Variants in SCUBE3 observed in about 807,000 individuals in gnomAD.
The protein encoded by SCUBE3 is signal peptide, CUB domain and EGF like domain containing 3.
SCUBE3 carries 33 observed loss-of-function variants against 116.8 expected under a neutral mutation model. The ratio of observed to expected loss-of-function variants is 0.28; its 90% CI spans 0.21 to 0.38. The LOEUF (loss-of-function observed/expected upper bound fraction) is 0.38. Among genes scored for constraint, SCUBE3 ranks in the 10% least tolerant of loss-of-function variants. The probability of loss-of-function intolerance (pLI) is 1.00; values close to 1 mark genes in which losing one functional copy is unlikely to be tolerated. For missense variants in SCUBE3, 1,007 were observed against 1,324.8 expected (o/e 0.76, Z 3.72); for synonymous variants, 418 against 496.9 (o/e 0.84, Z 2.11).
In SCUBE3 at chr6:35,243,264, T is replaced by C. The variant is rs369582315; in HGVS notation, c.1909+28T>C. 8.8e-6 allele frequency: 14 copies of C among 1,591,766 alleles called. No individual in the cohort carries two copies. The African/African-American group carries it at 1.6e-4, about 18-fold the overall frequency. Reference sequence around the variant, plus strand: ...AAGGGAGCTTACTGGGGAGCAGGGATGTAGGAAAGACCCAGTTTGGGCCTG... The same window carrying C: ...AAGGGAGCTTACTGGGGAGCAGGGACGTAGGAAAGACCCAGTTTGGGCCTG... On this transcript the variant is annotated intron_variant, in intron 15 of 21. Transcript: ENST00000274938. The surrounding 1 kb of genome is among the most constrained non-coding windows in gnomAD (Gnocchi z 6.6).
At chr6:35,247,602 C>T (rs1367426847) in intron 21 of SCUBE3, among the ~76,000 whole-genome samples, 1 of 152,138 alleles carries the variant, frequency 6.6e-6, no homozygotes, top group Non-Finnish European at 1.5e-5. Flanking sequence ...AAAGAATATA[C>T]TTTTAATAAT....
chr6:35,248,645 A>C lies in SCUBE3; in HGVS notation c.2922A>C (p.Pro974=). 6.2e-7 allele frequency: 1 copy of C among 1,613,976 alleles called. No homozygotes were observed. The highest frequency in any genetic ancestry group is 8.5e-7 in the Non-Finnish European group (1 of 1,179,908). The change falls in exon 22 of 22, where the codon CCA becomes CCC. Residue 974 remains proline (P), a synonymous_variant. Coordinates refer to ENST00000274938, the MANE Select transcript of SCUBE3 (RefSeq NM_152753.4). ...CAGAGAAACACAAGGAGATGCTGCC[A>C]AAATCCTTCATCAAGCTGCTCCGCT... is the stretch of plus-strand genomic sequence containing the variant. ...KYTEKHKEML[P]KSFIKLLRSK...
At chr6:35,216,411 T>C (rs1782895924) in intron 1 of SCUBE3, among the ~76,000 whole-genome samples, 1 of 152,228 alleles carries the variant, frequency 6.6e-6, no homozygotes, top group African/African-American at 2.4e-5. Context: ...CGCAGTTAGC[T>C]TGGTATCCTC....
chr6:35,242,965 C>T (rs1256210469), intron 14 of SCUBE3, 56 bp from the exon 15 acceptor site: 7 of 1,576,164 alleles, frequency 4.4e-6, no homozygotes, highest in Non-Finnish European at 6.1e-6. Flanking sequence ...CTCCCCTGCC[C>T]TCCTGCTCAC....
Position 35,238,009 on chromosome 6 carries a change from A to T in SCUBE3, c.820A>T (p.Thr274Ser). 6.3e-7 allele frequency: 1 copy of T among 1,598,092 alleles called. No homozygotes were observed. Among genetic ancestry groups the T allele is most frequent in the African/African-American group, 1.3e-5 (1 of 74,774 alleles). The stretch of plus-strand genomic sequence containing the variant: ...CTTCATGCTGCAGCCAGACAGGAAG[A>T]CGTGCAAAGGTAAGGACTTTGAGAG... ...VGFMLQPDRKTCKDIDECRLN... is the reference protein window; with the variant it reads ...VGFMLQPDRKSCKDIDECRLN... Residue 274 changes from threonine to serine, a missense_variant, in exon 7 of 22, where the codon ACG (threonine) becomes TCG (serine). Physicochemically the swap from Thr to Ser is moderately conservative, Grantham distance 58 (BLOSUM62 1). This residue lies in a region of SCUBE3 where 214 missense variants were observed against 316.7 expected (regional missense o/e 0.68). Coordinates refer to ENST00000274938, the MANE Select transcript of SCUBE3 (RefSeq NM_152753.4).
Position 35,228,827 on chromosome 6 carries a change from G to C in SCUBE3, c.334+88G>C. 5.8e-6 allele frequency: 8 copies of C among 1,386,950 alleles called. No individual in the cohort carries two copies. The highest frequency in any genetic ancestry group is 8.2e-6 in the Non-Finnish European group (8 of 980,028). 85.9% of individuals were successfully genotyped at this position (1,386,950 alleles called of 1,614,324 possible). A position where few individuals can be genotyped will look rare whatever the true frequency, so the allele number is the denominator to read the frequency against. On this transcript the variant is annotated intron_variant, in intron 3 of 21. Transcript: ENST00000274938. The surrounding 1 kb of genome is among the most constrained non-coding windows in gnomAD (Gnocchi z 4.9). ...TTTCCTATTTCCCAGGGAAGGAGGA[G>C]AGAGTGATCAAGAAGAGCTACATTC...
rs1784011204 is a variant in SCUBE3 at position 35,240,850 on chromosome 6, T to G, written c.1070-291T>G. 6.6e-6 allele frequency among the ~76,000 whole-genome samples: 1 copy of G among 152,234 alleles called. No homozygotes were observed. The highest frequency in any genetic ancestry group is 2.4e-5 in the African/African-American group (1 of 41,450). ...GGGGACAGAGATAATTGGAGGAGGTTTGAGCTCTTCTCAGGCCAGTAGTCA... is the reference window on the plus strand; with the variant it reads ...GGGGACAGAGATAATTGGAGGAGGTGTGAGCTCTTCTCAGGCCAGTAGTCA... On this transcript the variant is annotated intron_variant, in intron 9 of 21. Transcript: ENST00000274938. This position sits in a 1 kb window ranked among gnomAD's most constrained non-coding sequence, Gnocchi z 4.6.
chr6:35,233,107 G>A lies in SCUBE3; in HGVS notation c.596-78G>A. ...GTATGGGGGAGGCAACTAGGCAAGG[G>A]GGCCAGTACCCACATTGTGGAAAAC... On this transcript the variant is annotated intron_variant, in intron 5 of 21. Coordinates refer to ENST00000274938, the MANE Select transcript of SCUBE3 (RefSeq NM_152753.4). This position sits in a 1 kb window ranked among gnomAD's most constrained non-coding sequence, Gnocchi z 5.7. The A allele has an allele frequency of 6.8e-7, 1 of 1,472,896 alleles. No homozygotes were observed. The highest frequency in any genetic ancestry group is 9.4e-7 in the Non-Finnish European group (1 of 1,058,800). The allele number at this position is 1,472,896 out of a possible 1,614,324, so 91.2% of individuals were successfully genotyped here. A position where few individuals can be genotyped will look rare whatever the true frequency, so the allele number is the denominator to read the frequency against.
intron 1 of SCUBE3, chr6:35,224,550 C>T (rs1430277590): frequency 2.7e-5 from 4 of 148,412 alleles, no homozygotes. Flanking sequence ...ATAGCTTGAA[C>T]CTGGGAGGCA....
At position 35,233,871 on chromosome 6, in the gene SCUBE3, T is replaced by G. The variant is rs1783650520; in HGVS notation, c.712+570T>G. Among the ~76,000 whole-genome samples the G allele has an allele frequency of 6.6e-6, 1 of 152,070 alleles. No homozygotes were observed. Among genetic ancestry groups the G allele is most frequent in the Non-Finnish European group, 1.5e-5 (1 of 68,006 alleles). On this transcript the variant is annotated intron_variant, in intron 6 of 21. Coordinates refer to ENST00000274938, the MANE Select transcript of SCUBE3 (RefSeq NM_152753.4). The surrounding 1 kb of genome is among the most constrained non-coding windows in gnomAD (Gnocchi z 5.7). ...ACTCTCCTCCTGCAACTCCCCTTTCTACTCACCTCACCTTACCCCCCATTT... is the reference window on the plus strand; with the variant it reads ...ACTCTCCTCCTGCAACTCCCCTTTCGACTCACCTCACCTTACCCCCCATTT...
Position 35,233,374 on chromosome 6 carries a change from G to A in SCUBE3, c.712+73G>A. On this transcript the variant is annotated intron_variant, in intron 6 of 21. Coordinates refer to ENST00000274938, the MANE Select transcript of SCUBE3 (RefSeq NM_152753.4). This position sits in a 1 kb window ranked among gnomAD's most constrained non-coding sequence, Gnocchi z 5.7. ...GTGGGACCCTTTGGGAACCAGGGAA[G>A]TGGAGGAGTGCATGGGGCCCAGGTG... is the stretch of plus-strand genomic sequence containing the variant. The A allele has an allele frequency of 1.1e-6, 1 of 917,852 alleles. No homozygotes were observed. The highest frequency in any genetic ancestry group is 1.8e-6 in the Non-Finnish European group (1 of 555,918). The allele number at this position is 917,852 out of a possible 1,614,324, so 56.9% of individuals were successfully genotyped here.
Position 35,228,631 on chromosome 6 carries a change from C to T in SCUBE3, c.226C>T (p.Arg76Ter), listed in dbSNP as rs1439669327. The stretch of plus-strand genomic sequence containing the variant: ...GCCCACAGACGTGGATGAGTGCGAG[C>T]GAGAGGATAATGCAGGTTGTGTGCA... ...KHCKDVDECE[R>*]EDNAGCVHDC... Residue 76 changes from arginine (R) to a stop codon, truncating the protein, a stop_gained, in exon 3 of 22, where the codon CGA becomes TGA. Coordinates refer to ENST00000274938, the MANE Select transcript of SCUBE3 (RefSeq NM_152753.4). LOFTEE classifies it high-confidence loss of function. The surrounding 1 kb of genome is among the most constrained non-coding windows in gnomAD (Gnocchi z 4.9). 2 of 1,613,932 alleles carry T rather than the reference C, an allele frequency of 1.2e-6. No homozygotes were observed. The highest frequency in any genetic ancestry group is 8.5e-7 in the Non-Finnish European group (1 of 1,179,906).
chr6:35,214,616 C>A lies in SCUBE3; in HGVS notation c.85+113C>A. On this transcript the variant is annotated intron_variant, in intron 1 of 21. Coordinates refer to ENST00000274938, the MANE Select transcript of SCUBE3 (RefSeq NM_152753.4). The surrounding 1 kb of genome is among the most constrained non-coding windows in gnomAD (Gnocchi z 6.3). ...GCTGGGGAGCGTGCTGCTGTCAGAA[C>A]CCGGCTCTGTGCACCCGGACTCCCC... 1.6e-6 allele frequency: 1 copy of A among 622,814 alleles called. No individual in the cohort carries two copies. Among genetic ancestry groups the A allele is most frequent in the Non-Finnish European group, 2.4e-6 (1 of 423,136 alleles). 38.6% of individuals were successfully genotyped at this position (622,814 alleles called of 1,614,324 possible). A position where few individuals can be genotyped will look rare whatever the true frequency, so the allele number is the denominator to read the frequency against.
At chr6:35,246,360 C>A in intron 21 of SCUBE3, 75 bp downstream of exon 21, 1 of 1,052,220 alleles carries the variant, frequency 9.5e-7, no homozygotes, top group Non-Finnish European at 1.5e-6. Context: ...AGGCTAAGTG[C>A]TTACATGAAT....
rs1342595296 is a variant in SCUBE3 at position 35,241,555 on chromosome 6, G to A, written c.1208G>A (p.Cys403Tyr). ...CTCCCCTTCCTAGAGCCACTGAAGTGTCAGGGCAGTCCTGGGGCCTCGAAA... is the reference window on the plus strand; with the variant it reads ...CTCCCCTTCCTAGAGCCACTGAAGTATCAGGGCAGTCCTGGGGCCTCGAAA... ...NGKDCTEPLK[C>Y]QGSPGASKAM... The change falls in exon 11 of 22, where the codon TGT becomes TAT. Residue 403 changes from cysteine (C) to tyrosine (Y), a missense_variant. By Grantham distance (194) the Cys-to-Tyr change is radical. Around this residue, in one of 5 missense-constraint regions of SCUBE3, gnomAD observed 544 missense variants for 638.9 expected, o/e 0.85. Transcript: ENST00000274938. The surrounding 1 kb of genome is among the most constrained non-coding windows in gnomAD (Gnocchi z 4.1). 2.5e-6 allele frequency: 4 copies of A among 1,612,884 alleles called. No individual in the cohort carries two copies. In the East Asian group the frequency reaches 6.7e-5, roughly 27 times the overall value.
Position 35,241,097 on chromosome 6 carries a change from C to G in SCUBE3, c.1070-44C>G, listed in dbSNP as rs1449510182. On this transcript the variant is annotated intron_variant, in intron 9 of 21. Transcript: ENST00000274938. The surrounding 1 kb of genome is among the most constrained non-coding windows in gnomAD (Gnocchi z 4.1). ...CACTGCCTACTCTCCGGCTCCTCCTCCAACTCCATCGTTGTTTTTCTGTCT... is the reference window on the plus strand; with the variant it reads ...CACTGCCTACTCTCCGGCTCCTCCTGCAACTCCATCGTTGTTTTTCTGTCT... 6.4e-7 allele frequency: 1 copy of G among 1,558,344 alleles called. No homozygotes were observed. Among genetic ancestry groups the G allele is most frequent in the Non-Finnish European group, 8.7e-7 (1 of 1,143,496 alleles).
Position 35,248,770 on chromosome 6 carries a change from C to G in SCUBE3, c.*65C>G. Reference sequence around the variant, plus strand: ...ACTCCTTAGCCCTCAGAGCCGGCAGCCCCCTACCCTCAGACAAGGAACTCT... The same window carrying G: ...ACTCCTTAGCCCTCAGAGCCGGCAGGCCCCTACCCTCAGACAAGGAACTCT... On this transcript the variant is annotated 3_prime_UTR_variant, in exon 22 of 22. Transcript: ENST00000274938. 7.4e-7 allele frequency: 1 copy of G among 1,349,270 alleles called. No individual in the cohort carries two copies. Among genetic ancestry groups the G allele is most frequent in the Non-Finnish European group, 1.0e-6 (1 of 966,922 alleles). 83.6% of individuals were successfully genotyped at this position (1,349,270 alleles called of 1,614,324 possible). A position where few individuals can be genotyped will look rare whatever the true frequency, so the allele number is the denominator to read the frequency against.
Position 35,213,970 on chromosome 6 carries a change from AAG to A in SCUBE3, c.-444_-443del, listed in dbSNP as rs780600686. Among the ~76,000 whole-genome samples the A allele has an allele frequency of 6.6e-6, 1 of 151,972 alleles. No individual in the cohort carries two copies. Among genetic ancestry groups the A allele is most frequent in the African/African-American group, 2.4e-5 (1 of 41,402 alleles). On this transcript the variant is annotated 5_prime_UTR_variant, in exon 1 of 22. Coordinates refer to ENST00000274938, the MANE Select transcript of SCUBE3 (RefSeq NM_152753.4). The surrounding 1 kb of genome is among the most constrained non-coding windows in gnomAD (Gnocchi z 4.5). ...ACGGAGAAAGAGCGAGAGAGGAAGAAAGAGAGGCAGAAAGGGCGTGTTTCTGG... is the reference window on the plus strand; with the variant it reads ...ACGGAGAAAGAGCGAGAGAGGAAGAAAGAGGCAGAAAGGGCGTGTTTCTGG...
In SCUBE3 at chr6:35,214,318, C is replaced by CCCCGT. The variant is rs1554174226; in HGVS notation, c.-98_-97insGTCCC. 4 of 638,794 alleles carry CCCCGT rather than the reference C, an allele frequency of 6.3e-6. No individual in the cohort carries two copies. The highest frequency in any genetic ancestry group is 9.0e-6 in the Non-Finnish European group (4 of 444,578). The allele number at this position is 638,794 out of a possible 1,614,324, so 39.6% of individuals were successfully genotyped here. The stretch of plus-strand genomic sequence containing the variant: ...CCCCCGGCCTGGCCCCGGCGGGGCG[C>CCCCGT]CCCCTCCCCTCCCCCTCCTGCGAGC... On this transcript the variant is annotated 5_prime_UTR_variant, in exon 1 of 22. Transcript: ENST00000274938. This position sits in a 1 kb window ranked among gnomAD's most constrained non-coding sequence, Gnocchi z 6.3.
Sources: allele counts gnomAD v4.1 joint callset (sites outside exome capture counted in the v4.1 genomes callset), GRCh38; gene constraint gnomAD v4.1.1; regional missense constraint gnomAD v4.1.1; non-coding constraint Gnocchi (gnomAD v3.1); transcripts MANE v1.5; gene names NCBI Gene and HGNC (gene_info 2026-07-23, HGNC 2026-07-21).